The following KCNH7 variants were observed in gnomAD, a reference collection of about 807,000 sequenced individuals.
KCNH7 encodes the protein voltage-gated inwardly rectifying potassium channel KCNH7.
KCNH7 carries 49 observed loss-of-function variants against 120.8 expected under a neutral mutation model. The ratio of observed to expected loss-of-function variants is 0.41; its 90% CI spans 0.32 to 0.51. KCNH7 has a LOEUF of 0.51. Among genes scored for constraint, KCNH7 ranks in the 20% least tolerant of loss-of-function variants. The probability of loss-of-function intolerance (pLI) is 0.38; values close to 1 mark genes in which losing one functional copy is unlikely to be tolerated. For synonymous variants in KCNH7, 547 were observed against 516.1 expected (o/e 1.06, Z -0.81); for missense variants, 1,097 against 1,446.6 (o/e 0.76, Z 3.92).
chr2:162,739,116 T>A (rs1688024057), intron 2 of KCNH7, among the ~76,000 whole-genome samples: 1 of 152,188 alleles, frequency 6.6e-6, no homozygotes, highest in Non-Finnish European at 1.5e-5. Context: ...TTTGGGAGCC[T>A]CAGATGCCCC....
chr2:162,404,822 A>C (rs1687161842), intron 9 of KCNH7, among the ~76,000 whole-genome samples: 1 of 152,038 alleles, frequency 6.6e-6, no homozygotes, highest in Non-Finnish European at 1.5e-5. Context: ...GCTAGGCACT[A>C]TGCTAAGCAT....
At chr2:162,417,174 A>G (rs1687566572) in intron 9 of KCNH7, among the ~76,000 whole-genome samples, 1 of 152,134 alleles carries the variant, frequency 6.6e-6, no homozygotes. Context: ...AAAATATAGG[A>G]CTTTTATTTT....
At chr2:162,537,808 G>A (rs903059871) in intron 2 of KCNH7, among the ~76,000 whole-genome samples, 2 of 152,014 alleles carry the variant, frequency 1.3e-5, no homozygotes, top group Non-Finnish European at 2.9e-5. Flanking sequence ...ATAAACAAAG[G>A]TATGACTCAG....
At chr2:162,488,414 G>T (rs80037418) in intron 6 of KCNH7, among the ~76,000 whole-genome samples, 2,201 of 152,182 alleles carry the variant, frequency 0.014, 63 homozygotes, top group African/African-American at 0.049. Flanking sequence ...ACATGCCTCA[G>T]ATACAAAAAC....
At chr2:162,402,311 A>G (rs900892084) in intron 9 of KCNH7, among the ~76,000 whole-genome samples, 1 of 149,302 alleles carries the variant, frequency 6.7e-6, no homozygotes, top group African/African-American at 2.5e-5. Context: ...AAACCACTTC[A>G]TTGGACTCTT....
intron 2 of KCNH7, among the ~76,000 whole-genome samples, chr2:162,651,676 G>T (rs1445731494): frequency 6.6e-6 from 1 of 152,084 alleles, no homozygotes; most frequent in East Asian, 1.9e-4. Flanking sequence ...GTGTGCATGG[G>T]TGTTTACGGT....
At chr2:162,666,449 C>T (rs922525781) in intron 2 of KCNH7, among the ~76,000 whole-genome samples, 7 of 151,238 alleles carry the variant, frequency 4.6e-5, no homozygotes, top group African/African-American at 9.7e-5. Context: ...GTCCTTCTAT[C>T]TTCAAACTCA....
At chr2:162,804,852 T>C (rs1416467821) in intron 2 of KCNH7, among the ~76,000 whole-genome samples, 1 of 150,570 alleles carries the variant, frequency 6.6e-6, no homozygotes, top group Non-Finnish European at 1.5e-5. Context: ...CTTCAAGTTA[T>C]ACTACAAGGC....
intron 2 of KCNH7, among the ~76,000 whole-genome samples, chr2:162,817,410 T>A (rs1684954302): frequency 6.6e-6 from 1 of 152,162 alleles, no homozygotes; most frequent in Non-Finnish European, 1.5e-5. Flanking sequence ...TCTTTATTAT[T>A]GATTGGTGTA....
At chr2:162,549,637 G>A (rs1315700994) in intron 2 of KCNH7, among the ~76,000 whole-genome samples, 2 of 152,070 alleles carry the variant, frequency 1.3e-5, no homozygotes, top group African/African-American at 4.8e-5. Flanking sequence ...AAAATAGAAT[G>A]AACACACTGG....
chr2:162,618,035 A>G (rs1683212875), intron 2 of KCNH7, among the ~76,000 whole-genome samples: 1 of 152,014 alleles, frequency 6.6e-6, no homozygotes, highest in Admixed American at 6.5e-5. Flanking sequence ...AAAATTACAG[A>G]AGAAATGAAT....
chr2:162,803,778 G>A (rs1188648695), intron 2 of KCNH7, among the ~76,000 whole-genome samples: 1 of 151,620 alleles, frequency 6.6e-6, no homozygotes, highest in Non-Finnish European at 1.5e-5. Context: ...TTGAAACTTG[G>A]AGTTTGGCTG....
At chr2:162,377,101 G>A (rs151134380) in intron 14 of KCNH7, among the ~76,000 whole-genome samples, 2 of 152,260 alleles carry the variant, frequency 1.3e-5, no homozygotes, top group Admixed American at 6.5e-5. Context: ...ACTATAGAAC[G>A]TGTCCTGGGA....
intron 6 of KCNH7, among the ~76,000 whole-genome samples, chr2:162,470,582 C>G (rs1205739627): frequency 6.6e-6 from 1 of 150,986 alleles, no homozygotes; most frequent in African/African-American, 2.4e-5. Context: ...AGGTGGGGGT[C>G]AGCCCCCGCC....
intron 2 of KCNH7, among the ~76,000 whole-genome samples, chr2:162,579,174 C>G (rs779859571): frequency 6.6e-4 from 101 of 152,064 alleles, no homozygotes; most frequent in Non-Finnish European, 1.1e-3. Flanking sequence ...TTACTTGTAT[C>G]GACTGAGCAG....
intron 6 of KCNH7, among the ~76,000 whole-genome samples, chr2:162,463,024 T>A (rs1433904007): frequency 6.6e-6 from 1 of 152,062 alleles, no homozygotes; most frequent in Non-Finnish European, 1.5e-5. Context: ...ATATTAGTAG[T>A]TGATGAGTCT....
At chr2:162,703,494 G>A (rs963910201) in intron 2 of KCNH7, among the ~76,000 whole-genome samples, 11 of 151,926 alleles carry the variant, frequency 7.2e-5, no homozygotes, top group African/African-American at 2.7e-4. Flanking sequence ...AATAAAAAAT[G>A]TTAGAACAAG....
intron 3 of KCNH7, among the ~76,000 whole-genome samples, chr2:162,533,382 T>C (rs1044421671): frequency 6.6e-6 from 1 of 151,788 alleles, no homozygotes; most frequent in Admixed American, 6.6e-5. Flanking sequence ...ATCATTTTCT[T>C]ATAAGCAATA....
At position 162,730,269 on chromosome 2, in the gene KCNH7, T is replaced by C. The variant is rs1429281553; in HGVS notation, c.307+106268A>G. Among the ~76,000 whole-genome samples the C allele has an allele frequency of 6.6e-5, 10 of 151,220 alleles. No individual in the cohort carries two copies. In the South Asian group the frequency reaches 2.1e-3, roughly 32 times the overall value. Reference sequence around the variant, plus strand: ...AGTCAATATTGAAAATGCTTATGATTGAGGGTTTCCCAGAATTCTTGTGAA... The same window carrying C: ...AGTCAATATTGAAAATGCTTATGATCGAGGGTTTCCCAGAATTCTTGTGAA... On this transcript the variant is annotated intron_variant, in intron 2 of 15. Transcript: ENST00000332142.
Sources: gnomAD v4.1 joint callset for allele counts (sites outside exome capture counted in the v4.1 genomes callset) on GRCh38, gnomAD v4.1.1 for gene constraint, MANE v1.5 for transcripts, NCBI Gene and HGNC (gene_info 2026-07-23, HGNC 2026-07-21) for gene names.